The following RFTN2 variants were observed in gnomAD, a reference collection of about 807,000 sequenced individuals.
RFTN2 encodes raftlin-2.
In RFTN2, 34 loss-of-function variants were observed where a neutral mutation model predicts 52.7. That is an observed-to-expected ratio of 0.64 (90% CI 0.49 to 0.86). RFTN2 has a LOEUF of 0.86. RFTN2 is among the 40% of genes least tolerant of loss of function. The probability of loss-of-function intolerance (pLI) is 0.00; values close to 1 mark genes in which losing one functional copy is unlikely to be tolerated. For missense variants in RFTN2, 536 were observed against 600.1 expected (o/e 0.89, Z 1.12); for synonymous variants, 203 against 217.7 (o/e 0.93, Z 0.59).
At chr2:197,637,044 A>T (rs1200450213) in intron 3 of RFTN2, among the ~76,000 whole-genome samples, 2 of 151,306 alleles carry the variant, frequency 1.3e-5, no homozygotes, top group African/African-American at 4.8e-5. Context: ...GATTACATTT[A>T]TTGATTTGTG....
chr2:197,633,834 G>T lies in RFTN2; in HGVS notation c.602C>A (p.Thr201Lys). 1 of 1,613,718 alleles carries T rather than the reference G, an allele frequency of 6.2e-7. No individual in the cohort carries two copies. The highest frequency in any genetic ancestry group is 8.5e-7 in the Non-Finnish European group (1 of 1,179,834). The change falls in exon 4 of 9, where the codon ACG becomes AAG. Residue 201 changes from threonine (T) to lysine (K), a missense_variant. Coordinates refer to ENST00000295049, the MANE Select transcript of RFTN2 (RefSeq NM_144629.3). ...DENCRSWNEG[T>K]LSGQSSESGI... is the part of the protein sequence containing the mutation. ...GCTTTCAGATGACTGCCCACTTAAC[G>T]TCCCTTCATTCCAACTTCTACAGTT... is the stretch of plus-strand genomic sequence containing the variant.
chr2:197,638,264 G>T (rs2088602535), intron 3 of RFTN2, among the ~76,000 whole-genome samples: 1 of 103,192 alleles, frequency 9.7e-6, no homozygotes, highest in Non-Finnish European at 2.3e-5. Context: ...TCCGCTTGGT[G>T]CAGAGCTGAG....
intron 1 of RFTN2, among the ~76,000 whole-genome samples, chr2:197,648,877 T>C (rs956012510): frequency 2.6e-5 from 4 of 152,244 alleles, no homozygotes; most frequent in African/African-American, 9.6e-5. Context: ...TCCTCTGGGC[T>C]GCATGTCCTT....
chr2:197,652,263 T>A (rs916672811), intron 1 of RFTN2, among the ~76,000 whole-genome samples: 5 of 152,194 alleles, frequency 3.3e-5, no homozygotes, highest in Non-Finnish European at 7.3e-5. Context: ...GCTTGAAAAC[T>A]TTCCATTGGT....
At chr2:197,602,210 C>T (rs1054756895) in intron 7 of RFTN2, among the ~76,000 whole-genome samples, 58 of 151,422 alleles carry the variant, frequency 3.8e-4, no homozygotes, top group Non-Finnish European at 1.6e-4. Context: ...GGACTACAGG[C>T]GTGCGCCATT....
At chr2:197,634,262 C>T (rs926523969) in intron 3 of RFTN2, among the ~76,000 whole-genome samples, 3 of 152,128 alleles carry the variant, frequency 2.0e-5, no homozygotes, top group Non-Finnish European at 4.4e-5. Flanking sequence ...TGAAGGGCCA[C>T]TGTTTGGGAA....
intron 7 of RFTN2, among the ~76,000 whole-genome samples, chr2:197,608,903 T>C (rs2088009258): frequency 6.6e-6 from 1 of 151,982 alleles, no homozygotes; most frequent in East Asian, 1.9e-4. Context: ...TCTTCTTGTG[T>C]TACTTTACTG....
chr2:197,599,634 G>C (rs941769531), intron 7 of RFTN2, among the ~76,000 whole-genome samples: 7 of 152,152 alleles, frequency 4.6e-5, no homozygotes, highest in African/African-American at 1.7e-4. Context: ...ATCCTGGGTT[G>C]AGAATCATTG....
chr2:197,570,717 G>T lies in RFTN2; in HGVS notation c.*1291C>A, dbSNP rs754147273. 5.9e-5 allele frequency: 9 copies of T among 152,134 alleles called. No individual in the cohort carries two copies. The highest frequency in any genetic ancestry group is 2.2e-4 in the African/African-American group (9 of 41,416). 9.4% of individuals were successfully genotyped at this position (152,134 alleles called of 1,614,324 possible). On this transcript the variant is annotated 3_prime_UTR_variant, in exon 9 of 9. Transcript: ENST00000295049. ...TGCATTCCAGCCTGGGTGACAGAGT[G>T]AGACTCCGTCTCAAAAAAAGCCACA...
chr2:197,597,082 G>A (rs2106188948), intron 7 of RFTN2, among the ~76,000 whole-genome samples: 1 of 152,234 alleles, frequency 6.6e-6, no homozygotes, highest in Non-Finnish European at 1.5e-5. Context: ...GAAAATGAAT[G>A]CAACACTGAA....
At chr2:197,667,695 C>T (rs1380136275) in intron 1 of RFTN2, among the ~76,000 whole-genome samples, 1 of 152,106 alleles carries the variant, frequency 6.6e-6, no homozygotes, top group Non-Finnish European at 1.5e-5. Flanking sequence ...ACTTATTTGG[C>T]TGTAAACAAC....
At chr2:197,656,703 A>AT (rs2088898567) in intron 1 of RFTN2, among the ~76,000 whole-genome samples, 1 of 152,308 alleles carries the variant, frequency 6.6e-6, no homozygotes, top group Admixed American at 6.5e-5. Flanking sequence ...AGAACTCTGG[A>AT]TTAGAGGTCT....
chr2:197,599,417 T>A (rs1180224628), intron 7 of RFTN2, among the ~76,000 whole-genome samples: 1 of 152,182 alleles, frequency 6.6e-6, no homozygotes, highest in Non-Finnish European at 1.5e-5. Flanking sequence ...AGGAGTTACT[T>A]ACTCCCTCTG....
chr2:197,671,181 A>G (rs1267650214), intron 1 of RFTN2, among the ~76,000 whole-genome samples: 2 of 152,170 alleles, frequency 1.3e-5, no homozygotes, highest in Non-Finnish European at 2.9e-5. Flanking sequence ...CTAAGCCAGA[A>G]CCTTCCCATT....
At chr2:197,653,570 A>G (rs2106259383) in intron 1 of RFTN2, among the ~76,000 whole-genome samples, 1 of 152,234 alleles carries the variant, frequency 6.6e-6, no homozygotes, top group South Asian at 2.1e-4. Flanking sequence ...AAAGGCTAAA[A>G]CAATAGAGGT....
intron 7 of RFTN2, among the ~76,000 whole-genome samples, chr2:197,603,873 G>A (rs1048703874): frequency 6.6e-6 from 1 of 152,140 alleles, no homozygotes; most frequent in Admixed American, 6.6e-5. Context: ...GTTGCAGTGA[G>A]CCAAGATCAT....
intron 8 of RFTN2, among the ~76,000 whole-genome samples, chr2:197,592,720 A>G (rs2087737771): frequency 6.6e-6 from 1 of 152,230 alleles, no homozygotes; most frequent in African/African-American, 2.4e-5. Flanking sequence ...ATTTCAGGGT[A>G]TTAACAAAGA....
At chr2:197,622,160 G>A (rs1025233687) in intron 5 of RFTN2, among the ~76,000 whole-genome samples, 6 of 152,164 alleles carry the variant, frequency 3.9e-5, no homozygotes, top group Admixed American at 2.6e-4. Context: ...GGTTCATGAA[G>A]TTTAAGGAAA....
Position 197,617,901 on chromosome 2 carries a change from A to C in RFTN2, c.949T>G (p.Leu317Val). The C allele has an allele frequency of 6.2e-7, 1 of 1,609,104 alleles. No homozygotes were observed. The highest frequency in any genetic ancestry group is 2.2e-5 in the East Asian group (1 of 44,596). ...TCTTCATAGATAAAAAATCCTTCCAAAGATTTAGGCAAATGTTCCCCTGTG... is the reference window on the plus strand; with the variant it reads ...TCTTCATAGATAAAAAATCCTTCCACAGATTTAGGCAAATGTTCCCCTGTG... The part of the protein sequence containing the change: ...TSKGEHLPKS[L>V]EGFFIYEEEG... Residue 317 changes from leucine (L) to valine (V), a missense_variant, in exon 6 of 9, where the codon TTG (leucine) becomes GTG (valine). Transcript: ENST00000295049.
Sources: gnomAD v4.1 joint callset for allele counts (sites outside exome capture counted in the v4.1 genomes callset) on GRCh38, gnomAD v4.1.1 for gene constraint, MANE v1.5 for transcripts, NCBI Gene and HGNC (gene_info 2026-07-23, HGNC 2026-07-21) for gene names.